THOC5: variants seen among roughly 807,000 people sequenced by gnomAD.
The protein encoded by THOC5 is THO complex subunit 5, also known as Fms-interacting protein.
In THOC5, 43 loss-of-function variants were observed where a neutral mutation model predicts 92.9. The ratio of observed to expected loss-of-function variants is 0.46; its 90% CI spans 0.36 to 0.60. The LOEUF (loss-of-function observed/expected upper bound fraction) is 0.60, where lower values mean the gene tolerates loss of function less well. Ranked by LOEUF, THOC5 falls within the 20% of genes least tolerant of loss-of-function variation. The probability of loss-of-function intolerance (pLI) is 0.00; values close to 1 mark genes in which losing one functional copy is unlikely to be tolerated. For synonymous variants in THOC5, 296 were observed against 320.1 expected, an observed-to-expected ratio of 0.92 and a Z score of 0.80; for missense variants, 659 against 849.4, an observed-to-expected ratio of 0.78 and a Z score of 2.79.
At position 29,522,480 on chromosome 22, in the gene THOC5, C is replaced by T. The variant is rs75927786; in HGVS notation, c.1176-1381G>A. Among the ~76,000 whole-genome samples the T allele has an allele frequency of 3.0e-3, 455 of 152,154 alleles. 1 individual carries two copies. The highest frequency in any genetic ancestry group is 0.01 in the African/African-American group (434 of 41,534). ...CTATTAGTAAATAAATAAAACAGAA[C>T]TAAAACTGCCCACGATGAAGGTTAT... On this transcript the variant is annotated intron_variant, in intron 12 of 19. Coordinates refer to ENST00000490103, the MANE Select transcript of THOC5 (RefSeq NM_003678.5).
chr22:29,510,283 T>TA (rs1652303713), intron 19 of THOC5, among the ~76,000 whole-genome samples: 1 of 152,184 alleles, frequency 6.6e-6, no homozygotes, highest in Non-Finnish European at 1.5e-5. Flanking sequence ...TAGAAGGTAT[T>TA]ACTTTCACCA....
chr22:29,526,401 G>A (rs78150365), intron 11 of THOC5, among the ~76,000 whole-genome samples: 30,163 of 151,680 alleles, frequency 0.2, 3,355 homozygotes, highest in East Asian at 0.41. Flanking sequence ...GCGTGGTGGC[G>A]GGCACCTGTA....
intron 9 of THOC5, 186 bp downstream of exon 9, chr22:29,528,976 A>G: frequency 1.7e-6 from 1 of 604,268 alleles, no homozygotes; most frequent in South Asian, 2.2e-5. Flanking sequence ...GCAGGGCTGA[A>G]ATCCACGGGC....
intron 5 of THOC5, among the ~76,000 whole-genome samples, chr22:29,541,195 A>G (rs949937930): frequency 9.3e-5 from 14 of 151,326 alleles, no homozygotes; most frequent in Non-Finnish European, 1.6e-4. Flanking sequence ...TAAAAAAAAA[A>G]GAAAAGAAAA....
intron 2 of THOC5, chr22:29,545,156 A>C: frequency 2.5e-6 from 1 of 399,374 alleles, no homozygotes; most frequent in Non-Finnish European, 4.9e-6. Context: ...AGGAAGCAAA[A>C]GCAGAAACCC....
At chr22:29,532,014 A>G (rs1290491698) in intron 7 of THOC5, 51 bp from the exon 8 acceptor site, 2 of 1,592,408 alleles carry the variant, frequency 1.3e-6, no homozygotes, top group Non-Finnish European at 1.7e-6. Context: ...CAGTCCACAC[A>G]GGAAAAAGTG....
chr22:29,528,836 T>C (rs4823044), intron 9 of THOC5: 290,069 of 487,436 alleles, frequency 0.6, 88,969 homozygotes, highest in East Asian at 0.81. Flanking sequence ...TGCTAAAGGC[T>C]GTATGTGCAT....
chr22:29,546,409 T>TTTTTCTTTTC (rs55872235), intron 2 of THOC5, among the ~76,000 whole-genome samples: 1 of 151,512 alleles, frequency 6.6e-6, no homozygotes, highest in Non-Finnish European at 1.5e-5. Context: ...AAAAAATGGG[T>TTTTTCTTTTC]TTTTCTTTCC....
intron 1 of THOC5, among the ~76,000 whole-genome samples, chr22:29,550,225 G>A (rs1053607165): frequency 3.9e-5 from 6 of 152,036 alleles, no homozygotes; most frequent in Non-Finnish European, 7.4e-5. Flanking sequence ...ACTGAGGCTC[G>A]CAAGGGGAAT....
chr22:29,520,910 TG>T, intron 13 of THOC5, 87 bp downstream of exon 13: 1 of 970,780 alleles, frequency 1.0e-6, no homozygotes, highest in Non-Finnish European at 1.7e-6. Context: ...GGGTCACCTC[TG>T]GCCCTAACAG....
chr22:29,546,263 G>T (rs467912), intron 2 of THOC5, among the ~76,000 whole-genome samples: 121,907 of 152,026 alleles, frequency 0.8, 49,175 homozygotes, highest in African/African-American at 0.88. Context: ...CTCTGGGCCT[G>T]TGAGGGAAGG....
chr22:29,514,434 A>C (rs1393976140), intron 17 of THOC5, among the ~76,000 whole-genome samples: 1 of 144,488 alleles, frequency 6.9e-6, no homozygotes, highest in African/African-American at 2.6e-5. Flanking sequence ...CTCCTGCCTC[A>C]CCCTCCCGAG....
intron 5 of THOC5, among the ~76,000 whole-genome samples, chr22:29,541,610 C>T (rs2063884320): frequency 6.6e-6 from 1 of 150,888 alleles, no homozygotes; most frequent in African/African-American, 2.4e-5. Flanking sequence ...GCCTGTAATC[C>T]CAGCACTTTG....
rs144084290 is a variant in THOC5 at position 29,525,806 on chromosome 22, G to A, written c.1175+32C>T. 362 of 1,564,708 alleles carry A rather than the reference G, an allele frequency of 2.3e-4. 2 individuals are homozygous for A. In the East Asian group the frequency reaches 5.3e-3, roughly 23 times the overall value. On this transcript the variant is annotated intron_variant, in intron 12 of 19. Transcript: ENST00000490103. The stretch of plus-strand genomic sequence containing the variant: ...GAGGCTCTCATCACCTCCCCATCCC[G>A]CACGTCATTGCCCAGAGCGCCTGCT...
At position 29,508,286 on chromosome 22, in the gene THOC5, C is replaced by G. The variant is rs1200716688; in HGVS notation, c.*171G>C. Reference sequence around the variant, plus strand: ...CACAGCTCCCACCTGCCCTTCCAGACTGCAAAGCCACCTTGCCAGGAACCA... The same window carrying G: ...CACAGCTCCCACCTGCCCTTCCAGAGTGCAAAGCCACCTTGCCAGGAACCA... On this transcript the variant is annotated 3_prime_UTR_variant, in exon 20 of 20. Transcript: ENST00000490103. The G allele has an allele frequency of 3.0e-6, 2 of 660,194 alleles. No individual in the cohort carries two copies. Among genetic ancestry groups the G allele is most frequent in the African/African-American group, 3.7e-5 (2 of 54,730 alleles). 40.9% of individuals were successfully genotyped at this position (660,194 alleles called of 1,614,324 possible). A position where few individuals can be genotyped will look rare whatever the true frequency, so the allele number is the denominator to read the frequency against.
intron 6 of THOC5, 30 bp from the exon 7 acceptor site, chr22:29,536,768 T>C (rs774664832): frequency 3.7e-5 from 47 of 1,263,326 alleles, no homozygotes; most frequent in Non-Finnish European, 5.0e-5. Flanking sequence ...CATTGTCACC[T>C]GATATCCCCC....
At chr22:29,531,771 T>A in intron 8 of THOC5, 60 bp downstream of exon 8, 1 of 1,575,956 alleles carries the variant, frequency 6.3e-7, no homozygotes, top group Admixed American at 1.8e-5. Flanking sequence ...TCCAACTGAT[T>A]CACTCGGCCA....
intron 8 of THOC5, chr22:29,531,532 T>C (rs1022469439): frequency 4.4e-6 from 5 of 1,127,404 alleles, no homozygotes; most frequent in Non-Finnish European, 5.4e-6. Context: ...CGTGCCTTGA[T>C]GGGGTGAGCA....
intron 12 of THOC5, among the ~76,000 whole-genome samples, chr22:29,525,013 C>T (rs1305643023): frequency 6.6e-6 from 1 of 152,154 alleles, no homozygotes; most frequent in Admixed American, 6.5e-5. Flanking sequence ...TGACTCATGC[C>T]TGGAATTCCA....
Sources: allele counts gnomAD v4.1 joint callset (sites outside exome capture counted in the v4.1 genomes callset), GRCh38; gene constraint gnomAD v4.1.1; transcripts MANE v1.5; gene names NCBI Gene and HGNC (gene_info 2026-07-23, HGNC 2026-07-21).